The following VSTM4 variants were observed in gnomAD, a reference collection of about 807,000 sequenced individuals.
VSTM4 encodes V-set and transmembrane domain containing 4.
In VSTM4, 20 loss-of-function variants were observed where a neutral mutation model predicts 36.4. The observed-to-expected ratio is 0.55, with a 90% confidence interval of 0.39 to 0.80. The LOEUF is 0.80. Among genes scored for constraint, VSTM4 ranks in the 30% least tolerant of loss-of-function variants. VSTM4 has a pLI of 0.00. For missense variants in VSTM4, 392 were observed against 404.5 expected, an observed-to-expected ratio of 0.97 and a Z score of 0.26; for synonymous variants, 182 against 173.9, an observed-to-expected ratio of 1.05 and a Z score of -0.37.
chr10:49,106,005 G>A (rs548019279), intron 2 of VSTM4, among the ~76,000 whole-genome samples: 1 of 152,216 alleles, frequency 6.6e-6, no homozygotes, highest in African/African-American at 2.4e-5. Context: ...TAAGCCAATA[G>A]TCATTGGTTT....
chr10:49,084,656 T>C (rs1186432730), intron 3 of VSTM4, among the ~76,000 whole-genome samples: 1 of 152,208 alleles, frequency 6.6e-6, no homozygotes, highest in African/African-American at 2.4e-5. Flanking sequence ...TCATTCCTCA[T>C]CAATAAATGT....
At chr10:49,027,497 C>T (rs534495904) in intron 7 of VSTM4, among the ~76,000 whole-genome samples, 2 of 152,152 alleles carry the variant, frequency 1.3e-5, no homozygotes, top group East Asian at 3.9e-4. Context: ...TTTTGAGGTG[C>T]CCAGTTCTAA....
At position 49,050,007 on chromosome 10, in the gene VSTM4, A is replaced by C. The variant is rs375088724; in HGVS notation, c.669-1423T>G. Among the ~76,000 whole-genome samples, 12 of 152,212 alleles carry C rather than the reference A, an allele frequency of 7.9e-5. No individual in the cohort carries two copies. In the East Asian group the frequency reaches 2.3e-3, roughly 29 times the overall value. On this transcript the variant is annotated intron_variant, in intron 5 of 7. Transcript: ENST00000332853. ...AAATGTTGTGTGCATAAGATCAGTT[A>C]TTACAGCACTGTTTATAATAGCTAT...
At chr10:49,059,005 AG>A (rs1293497226) in intron 5 of VSTM4, among the ~76,000 whole-genome samples, 1 of 152,252 alleles carries the variant, frequency 6.6e-6, no homozygotes, top group African/African-American at 2.4e-5. Context: ...CTGGCACAAC[AG>A]GGACGGGAGG....
chr10:49,061,559 G>C (rs559213490), intron 5 of VSTM4, among the ~76,000 whole-genome samples: 1 of 152,128 alleles, frequency 6.6e-6, no homozygotes, highest in South Asian at 2.1e-4. Context: ...TAAATTTTGT[G>C]GTTCTGTTGT....
chr10:49,053,511 G>A (rs1028175210), intron 5 of VSTM4, among the ~76,000 whole-genome samples: 1 of 152,208 alleles, frequency 6.6e-6, no homozygotes, highest in Non-Finnish European at 1.5e-5. Flanking sequence ...CTGTAAAAGG[G>A]GAGGTGTATG....
intron 1 of VSTM4, among the ~76,000 whole-genome samples, chr10:49,108,224 G>A (rs1844826508): frequency 6.6e-6 from 1 of 152,212 alleles, no homozygotes; most frequent in Non-Finnish European, 1.5e-5. Flanking sequence ...CATGTGGGAT[G>A]CTAAACAATG....
chr10:49,115,140 C>G (rs903616774), intron 1 of VSTM4, among the ~76,000 whole-genome samples: 16 of 152,168 alleles, frequency 1.1e-4, no homozygotes, highest in African/African-American at 3.9e-4. Flanking sequence ...CATCTCCCCT[C>G]GGGGCCTGCC....
At chr10:49,064,442 C>G in intron 5 of VSTM4, 1 of 481,676 alleles carries the variant, frequency 2.1e-6, no homozygotes, top group South Asian at 2.3e-5. Context: ...AGCAGCTCTG[C>G]AGGACCATAC....
intron 1 of VSTM4, 28 bp downstream of exon 1, chr10:49,115,403 C>A: frequency 2.0e-6 from 2 of 1,014,612 alleles, no homozygotes; most frequent in South Asian, 4.1e-5. Context: ...CCACCCTTCC[C>A]GCTCCCGCCT....
intron 2 of VSTM4, among the ~76,000 whole-genome samples, chr10:49,094,594 T>A (rs1480007076): frequency 1.3e-5 from 2 of 152,178 alleles, no homozygotes; most frequent in Non-Finnish European, 2.9e-5. Context: ...TGATGTGAAG[T>A]ATGCAGAAGA....
chr10:49,057,801 G>C (rs528219850), intron 5 of VSTM4, among the ~76,000 whole-genome samples: 1 of 152,180 alleles, frequency 6.6e-6, no homozygotes, highest in Non-Finnish European at 1.5e-5. Context: ...CAGAGGGAGG[G>C]CACAAGCATG....
At chr10:49,051,215 C>G (rs1843692742) in intron 5 of VSTM4, among the ~76,000 whole-genome samples, 1 of 152,170 alleles carries the variant, frequency 6.6e-6, no homozygotes, top group Non-Finnish European at 1.5e-5. Context: ...TCATCCCTCC[C>G]TCTACCCTAA....
At chr10:49,055,615 T>C (rs1194533524) in intron 5 of VSTM4, among the ~76,000 whole-genome samples, 1 of 152,232 alleles carries the variant, frequency 6.6e-6, no homozygotes, top group African/African-American at 2.4e-5. Flanking sequence ...AGTTTCCTAA[T>C]GTCTTGCCTT....
chr10:49,109,651 G>GAT (rs1166409844), intron 1 of VSTM4, among the ~76,000 whole-genome samples: 2 of 152,116 alleles, frequency 1.3e-5, no homozygotes, highest in African/African-American at 4.8e-5. Context: ...CAAAGTCTTT[G>GAT]ATATATATGG....
intron 2 of VSTM4, among the ~76,000 whole-genome samples, chr10:49,097,433 G>A (rs1844593206): frequency 6.6e-6 from 1 of 150,574 alleles, no homozygotes; most frequent in Non-Finnish European, 1.5e-5. Flanking sequence ...TCCCAAAGCT[G>A]AGGGAGCAAA....
At chr10:49,083,253 G>T (rs1390478810) in intron 3 of VSTM4, among the ~76,000 whole-genome samples, 1 of 152,224 alleles carries the variant, frequency 6.6e-6, no homozygotes, top group African/African-American at 2.4e-5. Context: ...ATACCTGAGT[G>T]ATAGCCCCAA....
rs1844809426 is a variant in VSTM4, at chr10:49,107,689, T to A, written c.362A>T (p.Asp121Val). 3 of 1,614,200 alleles carry A rather than the reference T, an allele frequency of 1.9e-6. No individual in the cohort carries two copies. The highest frequency in any genetic ancestry group is 2.2e-5 in the East Asian group (1 of 44,890). ...GACTCTGCAGACGTAATGCCCTTGA[T>A]CGGAGGGCTGCAGTGTCAAGACGGA... ...RLSVLTLQPS[D>V]QGHYVCRVQE... The change falls in exon 2 of 8, where the codon GAT becomes GTT. Residue 121 changes from aspartate (D) to valine (V), a missense_variant. Asp to Val is a radical substitution (Grantham distance 152). Transcript: ENST00000332853.
rs1843124248 is a variant in VSTM4, at chr10:49,017,724, A to C, written c.*1926T>G. 1 of 152,048 alleles carries C rather than the reference A, an allele frequency of 6.6e-6. No individual in the cohort carries two copies. Among genetic ancestry groups the C allele is most frequent in the African/African-American group, 2.4e-5 (1 of 41,382 alleles). The allele number at this position is 152,048 out of a possible 1,614,324, so 9.4% of individuals were successfully genotyped here. ...TTTTCATGTGCCCCCTCTCCTTCCC[A>C]TTTGGCACCCCCAGAGCCCCACAAA... is the stretch of plus-strand genomic sequence containing the variant. On this transcript the variant is annotated 3_prime_UTR_variant, in exon 8 of 8. Coordinates refer to ENST00000332853, the MANE Select transcript of VSTM4 (RefSeq NM_001031746.5).
Sources: allele counts gnomAD v4.1 joint callset (sites outside exome capture counted in the v4.1 genomes callset), GRCh38; gene constraint gnomAD v4.1.1; transcripts MANE v1.5; gene names NCBI Gene and HGNC (gene_info 2026-07-23, HGNC 2026-07-21).